Variants in AMZ1 observed in about 807,000 individuals in gnomAD.
AMZ1 encodes archaelysin family metallopeptidase 1.
Under a neutral mutation model 29.9 loss-of-function variants are expected in AMZ1, and 39 were observed. The ratio of observed to expected loss-of-function variants is 1.30; its 90% confidence interval spans 1.01 to 1.70. AMZ1 has a LOEUF of 1.70. Ranked by LOEUF, AMZ1 falls within the 40% of genes most tolerant of loss-of-function variation. The probability of loss-of-function intolerance (pLI) is 0.00; values close to 1 mark genes in which losing one functional copy is unlikely to be tolerated. For synonymous variants in AMZ1, 458 were observed against 304.0 expected (o/e 1.51, Z -5.27); for missense variants, 1,041 against 680.6 (o/e 1.53, Z -5.89).
intron 2 of AMZ1, 89 bp downstream of exon 2, chr7:2,700,844 C>A (rs114941505): frequency 1.3e-6 from 2 of 1,497,766 alleles, no homozygotes; most frequent in African/African-American, 1.4e-5. Flanking sequence ...AGCCCCCAGG[C>A]AGGACTGAAA....
At chr7:2,742,949 A>T (rs949936317) in intron 4 of AMZ1, among the ~76,000 whole-genome samples, 4 of 152,334 alleles carry the variant, frequency 2.6e-5, no homozygotes, top group African/African-American at 9.6e-5. Flanking sequence ...TCAATTTTCC[A>T]GGTGCACACT....
At position 2,712,716 on chromosome 7, in the gene AMZ1, C is replaced by T. The variant is rs1788874751; in HGVS notation, c.1335C>T (p.Gly445=). Residue 445 remains glycine, a synonymous_variant, in exon 7 of 7, where the codon GGC becomes GGT. Coordinates refer to ENST00000683327, the MANE Select transcript of AMZ1 (RefSeq NM_001384743.1). ...TCGACCGCTGGGAGATGTTCACGGG[C>T]CAGCTCCCGGCCACCAGGCAGGACC... The part of the protein sequence containing the change: ...DALDRWEMFT[G]QLPATRQDPP... 5.6e-6 allele frequency: 9 copies of T among 1,609,256 alleles called. No individual in the cohort carries two copies. Among genetic ancestry groups the T allele is most frequent in the South Asian group, 4.4e-5 (4 of 90,424 alleles).
intron 1 of AMZ1, among the ~76,000 whole-genome samples, chr7:2,694,087 A>C (rs1307174001): frequency 6.6e-6 from 1 of 152,182 alleles, no homozygotes; most frequent in African/African-American, 2.4e-5. Flanking sequence ...AGGGTGCCTG[A>C]TGCAACACCG....
At chr7:2,750,934 T>C (rs566054915) in intron 4 of AMZ1, among the ~76,000 whole-genome samples, 21 of 152,286 alleles carry the variant, frequency 1.4e-4, no homozygotes, top group Middle Eastern at 3.4e-3. Context: ...GCGAGAGATA[T>C]GCACACTCCA....
chr7:2,718,766 C>T lies in AMZ1; in HGVS notation c.*5888C>T, dbSNP rs1789279815. Among the ~76,000 whole-genome samples, 1 of 152,186 alleles carries T rather than the reference C, an allele frequency of 6.6e-6. No homozygotes were observed. Among genetic ancestry groups the T allele is most frequent in the Non-Finnish European group, 1.5e-5 (1 of 68,042 alleles). ...TTGTGGTCAGGGAGAAGCGGGCAGGCCAGGGCCGAGCTGCGTCCGGCTCTC... is the reference window on the plus strand; with the variant it reads ...TTGTGGTCAGGGAGAAGCGGGCAGGTCAGGGCCGAGCTGCGTCCGGCTCTC... On this transcript the variant is annotated 3_prime_UTR_variant, in exon 7 of 7. Transcript: ENST00000683327.
upstream of AMZ1, chr7:2,763,152 C>G: frequency 8.4e-7 from 1 of 1,191,436 alleles, no homozygotes; most frequent in Non-Finnish European, 1.0e-6. Context: ...CTCGAATATT[C>G]TGCTGACAAG....
chr7:2,703,060 C>T (rs542774289), intron 3 of AMZ1, among the ~76,000 whole-genome samples, 171 bp downstream of exon 3: 3 of 152,348 alleles, frequency 2.0e-5, no homozygotes, highest in African/African-American at 7.2e-5. Context: ...TCCTTCTTCC[C>T]ACCCAGGAGT....
At chr7:2,725,038 A>G (rs1278389473) in intron 4 of AMZ1, among the ~76,000 whole-genome samples, 3 of 152,176 alleles carry the variant, frequency 2.0e-5, no homozygotes, top group Non-Finnish European at 4.4e-5. Context: ...ACTAACTTGC[A>G]GCAGCATCCA....
chr7:2,721,763 C>T (rs929547431), downstream of AMZ1, among the ~76,000 whole-genome samples: 1 of 151,220 alleles, frequency 6.6e-6, no homozygotes, highest in African/African-American at 2.4e-5. Flanking sequence ...ACTCAGGGGC[C>T]CCCCACTTCT....
intron 1 of AMZ1, among the ~76,000 whole-genome samples, chr7:2,697,323 C>T (rs1378225862): frequency 6.6e-6 from 1 of 152,118 alleles, no homozygotes; most frequent in Non-Finnish European, 1.5e-5. Flanking sequence ...TCTCGAACTC[C>T]TGACCTCGGG....
At chr7:2,759,375 C>G (rs961132673) in intron 4 of AMZ1, among the ~76,000 whole-genome samples, 1 of 152,162 alleles carries the variant, frequency 6.6e-6, no homozygotes, top group Non-Finnish European at 1.5e-5. Context: ...AGGGCCTCCC[C>G]CATATCACCT....
chr7:2,727,199 T>C (rs1207634258), intron 4 of AMZ1, among the ~76,000 whole-genome samples: 1 of 152,108 alleles, frequency 6.6e-6, no homozygotes, highest in African/African-American at 2.4e-5. Context: ...CTCCTGCCTC[T>C]GCTTTCCGAG....
chr7:2,739,919 C>T (rs184560251), intron 4 of AMZ1, among the ~76,000 whole-genome samples: 460 of 152,274 alleles, frequency 3.0e-3, no homozygotes, highest in Non-Finnish European at 5.1e-3. Flanking sequence ...GTGATCCGCC[C>T]GCCTTGGCCT....
rs536122331 is a variant in AMZ1, at chr7:2,695,916, A to C, written c.-218-4318A>C. ...TCCCAGCTACTCGGGAGGCTGAGGC[A>C]GGAGAATCGCTTGAACCCGGAGGCG... On this transcript the variant is annotated intron_variant, in intron 1 of 6. Transcript: ENST00000683327. 1.4e-4 allele frequency among the ~76,000 whole-genome samples: 21 copies of C among 151,136 alleles called. 1 individual carries two copies. The East Asian group carries it at 2.6e-3, about 18-fold the overall frequency.
At chr7:2,685,749 A>T (rs1238881474), upstream of AMZ1, among the ~76,000 whole-genome samples, 2 of 140,182 alleles carry the variant, frequency 1.4e-5, no homozygotes, top group Non-Finnish European at 3.1e-5. Context: ...GCTACTTAGG[A>T]GGCTGAGGCA....
At chr7:2,724,031 G>A (rs1443210319), downstream of AMZ1, among the ~76,000 whole-genome samples, 2 of 151,018 alleles carry the variant, frequency 1.3e-5, no homozygotes, top group African/African-American at 2.4e-5. Flanking sequence ...TCAGCCTCCC[G>A]AGTAGCTGAG....
At chr7:2,747,971 C>T (rs1247182955) in intron 4 of AMZ1, among the ~76,000 whole-genome samples, 2 of 150,890 alleles carry the variant, frequency 1.3e-5, no homozygotes, top group South Asian at 2.1e-4. Context: ...AGGACCTCTT[C>T]AAGGAGAACT....
chr7:2,693,354 T>C (rs1381769711), intron 1 of AMZ1, among the ~76,000 whole-genome samples: 1 of 152,150 alleles, frequency 6.6e-6, no homozygotes, highest in Non-Finnish European at 1.5e-5. Context: ...GTGCTGGGAT[T>C]ACAGGTGTGA....
intron 6 of AMZ1, among the ~76,000 whole-genome samples, chr7:2,711,416 G>C (rs189350898): frequency 2.6e-5 from 4 of 152,352 alleles, no homozygotes; most frequent in Non-Finnish European, 5.9e-5. Context: ...GATGGCTGAT[G>C]TGAGCTCCCA....
Sources: gnomAD v4.1 joint callset for allele counts (sites outside exome capture counted in the v4.1 genomes callset) on GRCh38, gnomAD v4.1.1 for gene constraint, MANE v1.5 for transcripts, NCBI Gene and HGNC (gene_info 2026-07-23, HGNC 2026-07-21) for gene names.